ANKS6: variants seen among roughly 807,000 people sequenced by gnomAD.
ANKS6 encodes ankyrin repeat and SAM domain-containing protein 6.
A neutral mutation model predicts 77.9 loss-of-function variants in ANKS6; 47 were observed. That is an observed-to-expected ratio of 0.60 (90% CI 0.48 to 0.77). ANKS6 has a LOEUF of 0.77. Among genes scored for constraint, ANKS6 ranks in the 30% least tolerant of loss-of-function variants. The pLI, the probability that ANKS6 is intolerant of heterozygous loss-of-function variation, is 0.00. For missense variants in ANKS6, 1,150 were observed against 1,159.1 expected (o/e 0.99, Z 0.11); for synonymous variants, 488 against 501.7 (o/e 0.97, Z 0.37).
At chr9:98,768,366 C>T in intron 10 of ANKS6, 116 bp from the exon 11 acceptor site, 2 of 1,287,726 alleles carry the variant, frequency 1.6e-6, no homozygotes, top group Non-Finnish European at 1.1e-6. Flanking sequence ...CTCCCTTCCC[C>T]ATGTGGCTCC....
At chr9:98,778,497 C>G in intron 6 of ANKS6, 73 bp from the exon 7 acceptor site, 1 of 1,451,944 alleles carries the variant, frequency 6.9e-7, no homozygotes. Flanking sequence ...CCTGCCAGCC[C>G]AGAGACAGTG....
At chr9:98,793,762 T>C (rs1336361857) in intron 1 of ANKS6, among the ~76,000 whole-genome samples, 1 of 150,942 alleles carries the variant, frequency 6.6e-6, no homozygotes, top group Non-Finnish European at 1.5e-5. Context: ...CTCGATCTCC[T>C]GACCTCCTGA....
intron 11 of ANKS6, among the ~76,000 whole-genome samples, chr9:98,759,123 T>C (rs868226803): frequency 5.3e-5 from 8 of 152,066 alleles, no homozygotes; most frequent in Admixed American, 2.0e-4. Flanking sequence ...GAAAAACACA[T>C]AGTGTTATGT....
At chr9:98,775,476 T>C (rs1163217299) in intron 8 of ANKS6, among the ~76,000 whole-genome samples, 1 of 152,212 alleles carries the variant, frequency 6.6e-6, no homozygotes, top group African/African-American at 2.4e-5. Flanking sequence ...ATGGAAAAGA[T>C]GGTCACAACA....
chr9:98,779,868 T>C (rs1834138111), intron 6 of ANKS6, among the ~76,000 whole-genome samples: 1 of 152,100 alleles, frequency 6.6e-6, no homozygotes, highest in Non-Finnish European at 1.5e-5. Context: ...TTCACCGTGT[T>C]AGCCAGGATG....
At chr9:98,768,996 G>A (rs1406956908) in intron 10 of ANKS6, among the ~76,000 whole-genome samples, 2 of 151,646 alleles carry the variant, frequency 1.3e-5, no homozygotes, top group African/African-American at 2.4e-5. Flanking sequence ...GTGTGGTGGC[G>A]GGCACCTGTA....
rs148990264 is a variant in ANKS6, at chr9:98,737,647, G to T, written c.2512-1024C>A. Among the ~76,000 whole-genome samples the T allele has an allele frequency of 9.2e-3, 1,400 of 152,284 alleles. 12 individuals carry two copies. The highest frequency in any genetic ancestry group is 0.014 in the South Asian group (69 of 4,824). On this transcript the variant is annotated intron_variant, in intron 14 of 14. Transcript: ENST00000353234. ...TGGAGAGAATCAATATTGTGAAAAT[G>T]CCCATATTGTCAAAAGCAATCTACA...
At chr9:98,744,733 C>A (rs535573851) in intron 14 of ANKS6, among the ~76,000 whole-genome samples, 1 of 152,044 alleles carries the variant, frequency 6.6e-6, no homozygotes, top group Non-Finnish European at 1.5e-5. Flanking sequence ...AGGAAAAAGG[C>A]AGAGATGTCC....
In ANKS6 at chr9:98,735,950, A is replaced by C. The variant is rs144044209; in HGVS notation, c.*569T>G. ...CTTGGACTAGGAGGGGCAAGTTAGA[A>C]GTTTTAAGGGAAGATGTGCCAGGAA... On this transcript the variant is annotated 3_prime_UTR_variant, in exon 15 of 15. Coordinates refer to ENST00000353234, the MANE Select transcript of ANKS6 (RefSeq NM_173551.5). The C allele has an allele frequency of 0.012, 14,221 of 1,229,642 alleles. 93 individuals are homozygous for C. The highest frequency in any genetic ancestry group is 0.013 in the Non-Finnish European group (13,210 of 987,318). The allele number at this position is 1,229,642 out of a possible 1,614,324, so 76.2% of individuals were successfully genotyped here. A position where few individuals can be genotyped will look rare whatever the true frequency, so the allele number is the denominator to read the frequency against.
At chr9:98,741,679 C>T (rs980207319) in intron 14 of ANKS6, among the ~76,000 whole-genome samples, 5 of 152,262 alleles carry the variant, frequency 3.3e-5, no homozygotes, top group African/African-American at 1.2e-4. Flanking sequence ...ATAACTCATC[C>T]GAAACTAACA....
At chr9:98,748,868 G>A (rs1832283095) in intron 13 of ANKS6, among the ~76,000 whole-genome samples, 1 of 152,126 alleles carries the variant, frequency 6.6e-6, no homozygotes, top group Non-Finnish European at 1.5e-5. Context: ...ATGGCAAGAT[G>A]AGAACATGAA....
chr9:98,738,304 G>C (rs772645690), intron 14 of ANKS6, among the ~76,000 whole-genome samples: 2 of 151,976 alleles, frequency 1.3e-5, no homozygotes, highest in Non-Finnish European at 2.9e-5. Context: ...AAAACCCACA[G>C]AGTGGGAAAA....
chr9:98,740,303 A>G (rs1023109454), intron 14 of ANKS6, among the ~76,000 whole-genome samples: 3 of 152,162 alleles, frequency 2.0e-5, no homozygotes, highest in Admixed American at 2.0e-4. Flanking sequence ...ACAATTTTAA[A>G]TAAGCTGGGA....
chr9:98,763,489 C>T lies in ANKS6; in HGVS notation c.2142+4592G>A, dbSNP rs185726207. On this transcript the variant is annotated intron_variant, in intron 11 of 14. Transcript: ENST00000353234. ...TTTGTGGGATGTAGAAAAAGCATCA[C>T]ATAGAGGTAAATTTATAGCATTAAA... Among the ~76,000 whole-genome samples the T allele has an allele frequency of 6.9e-4, 105 of 151,754 alleles. 1 individual carries two copies. The highest frequency in any genetic ancestry group is 2.5e-3 in the African/African-American group (102 of 41,418).
intron 2 of ANKS6, among the ~76,000 whole-genome samples, chr9:98,786,335 AGG>A (rs1834564281): frequency 1.4e-5 from 2 of 141,230 alleles, no homozygotes; most frequent in Non-Finnish European, 3.0e-5. Flanking sequence ...TGTGTCTCCC[AGG>A]CTAGAGGGCA....
intron 14 of ANKS6, among the ~76,000 whole-genome samples, chr9:98,738,430 T>C (rs1014835646): frequency 6.6e-6 from 1 of 151,740 alleles, no homozygotes; most frequent in African/African-American, 2.4e-5. Context: ...GCTAAGGACA[T>C]GAATAGACAA....
intron 14 of ANKS6, among the ~76,000 whole-genome samples, chr9:98,740,348 G>C (rs1279498599): frequency 6.6e-6 from 1 of 152,110 alleles, no homozygotes; most frequent in Non-Finnish European, 1.5e-5. Context: ...ACAATCCAAA[G>C]GCTGGAGGGT....
intron 13 of ANKS6, among the ~76,000 whole-genome samples, chr9:98,748,181 T>C (rs1748156963): frequency 6.6e-6 from 1 of 152,216 alleles, no homozygotes; most frequent in South Asian, 2.1e-4. Flanking sequence ...GTTTGCTGAA[T>C]GAATGAATGA....
chr9:98,766,935 T>TA (rs371461414), intron 11 of ANKS6, among the ~76,000 whole-genome samples: 96 of 151,150 alleles, frequency 6.4e-4, no homozygotes, highest in African/African-American at 2.1e-3. Flanking sequence ...TGCCTGGACA[T>TA]AGAGTCCCCT....
Sources: gnomAD v4.1 joint callset for allele counts (sites outside exome capture counted in the v4.1 genomes callset) on GRCh38, gnomAD v4.1.1 for gene constraint, MANE v1.5 for transcripts, NCBI Gene and HGNC (gene_info 2026-07-23, HGNC 2026-07-21) for gene names.